MINK1: variants seen among roughly 807,000 people sequenced by gnomAD.
MINK1 encodes the protein misshapen-like kinase 1.
In MINK1, 46 loss-of-function variants were observed where a neutral mutation model predicts 178.4. The ratio of observed to expected loss-of-function variants is 0.26; its 90% CI spans 0.20 to 0.33. The LOEUF (loss-of-function observed/expected upper bound fraction) is 0.33, where lower values mean the gene tolerates loss of function less well. Ranked by LOEUF, MINK1 falls within the 10% of genes least tolerant of loss-of-function variation. MINK1 has a pLI of 1.00. For missense variants in MINK1, 1,366 were observed against 1,814.9 expected (o/e 0.75, Z 4.49); for synonymous variants, 797 against 709.7 (o/e 1.12, Z -1.96).
chr17:4,873,260 T>C (rs1223060067), intron 1 of MINK1, among the ~76,000 whole-genome samples: 4 of 152,250 alleles, frequency 2.6e-5, no homozygotes, highest in African/African-American at 9.6e-5. Flanking sequence ...TACAGATCCT[T>C]GTTTCTAACT....
chr17:4,870,134 G>A (rs148651427), intron 1 of MINK1, among the ~76,000 whole-genome samples: 9,415 of 150,488 alleles, frequency 0.063, 865 homozygotes, highest in African/African-American at 0.2. Flanking sequence ...GGATGGTCTC[G>A]ATCTCCTGAC....
Position 4,896,965 on chromosome 17 carries a change from C to T in MINK1, c.3915+152C>T, listed in dbSNP as rs1969581445. On this transcript the variant is annotated intron_variant, in intron 31 of 31. Transcript: ENST00000355280. This position sits in a 1 kb window ranked among gnomAD's most constrained non-coding sequence, Gnocchi z 4.6. Reference sequence around the variant, plus strand: ...AGGGCAGTCAGCCACTACCACTGCCCTGCGCTCCCTTCAGATTCCGAGGAC... The same window carrying T: ...AGGGCAGTCAGCCACTACCACTGCCTTGCGCTCCCTTCAGATTCCGAGGAC... The T allele has an allele frequency of 8.9e-7, 1 of 1,117,828 alleles. No individual in the cohort carries two copies. The highest frequency in any genetic ancestry group is 1.6e-5 in the African/African-American group (1 of 63,048). The allele number at this position is 1,117,828 out of a possible 1,614,324, so 69.2% of individuals were successfully genotyped here. A position where few individuals can be genotyped will look rare whatever the true frequency, so the allele number is the denominator to read the frequency against.
At chr17:4,892,844 G>A in intron 19 of MINK1, 76 bp downstream of exon 19, 1 of 1,442,186 alleles carries the variant, frequency 6.9e-7, no homozygotes, top group Non-Finnish European at 9.5e-7. Flanking sequence ...TGGTGGCTTT[G>A]GACTGGGGCA....
Position 4,892,972 on chromosome 17 carries a change from CG to C in MINK1, c.2312-6del, listed in dbSNP as rs746606454. 2,214 of 1,559,074 alleles carry C rather than the reference CG, an allele frequency of 1.4e-3. 26 individuals carry two copies. The highest frequency in any genetic ancestry group is 4.8e-4 in the South Asian group (41 of 84,582). On this transcript the variant is annotated splice_region_variant and splice_polypyrimidine_tract_variant and intron_variant, in intron 19 of 31. Transcript: ENST00000355280. ...CATCAGTGACCTTCTTCCACCCTGC[CG>C]TCCAGTCTCCTCCAAACCGGACAGC...
At chr17:4,857,780 C>T (rs1243609644) in intron 1 of MINK1, among the ~76,000 whole-genome samples, 1 of 151,974 alleles carries the variant, frequency 6.6e-6, no homozygotes, top group African/African-American at 2.4e-5. Flanking sequence ...GATGCTCTTT[C>T]TTACCACACA....
chr17:4,881,770 C>G (rs558271728), intron 4 of MINK1, among the ~76,000 whole-genome samples: 2 of 152,256 alleles, frequency 1.3e-5, no homozygotes, highest in South Asian at 4.1e-4. Flanking sequence ...GGGGCCTCCC[C>G]CAAATTCCTC....
intron 1 of MINK1, among the ~76,000 whole-genome samples, chr17:4,867,824 A>T (rs1915267721): frequency 6.6e-6 from 1 of 152,206 alleles, no homozygotes; most frequent in Non-Finnish European, 1.5e-5. Flanking sequence ...AAAGAAAAAA[A>T]AAAGGAATTG....
intron 1 of MINK1, among the ~76,000 whole-genome samples, chr17:4,864,933 C>T (rs1914713853): frequency 6.6e-6 from 1 of 152,176 alleles, no homozygotes; most frequent in Admixed American, 6.6e-5. Flanking sequence ...GCTCCCCAGC[C>T]TCGGTCAGGT....
At position 4,896,473 on chromosome 17, in the gene MINK1, C is replaced by T. The variant is rs1284140374; in HGVS notation, c.3660C>T (p.Asn1220=). 2.5e-6 allele frequency: 4 copies of T among 1,613,872 alleles called. No individual in the cohort carries two copies. The highest frequency in any genetic ancestry group is 3.4e-6 in the Non-Finnish European group (4 of 1,179,886). ...ITPHAIIFLP[N]TDGMEMLLCY... Reference sequence around the variant, plus strand: ...CCCATGCCATCATCTTCCTCCCCAACACCGACGGCATGGAGATGCTGCTGT... The same window carrying T: ...CCCATGCCATCATCTTCCTCCCCAATACCGACGGCATGGAGATGCTGCTGT... The change falls in exon 30 of 32, where the codon AAC becomes AAT. Residue 1220 remains asparagine (N), a synonymous_variant. Coordinates refer to ENST00000355280, the MANE Select transcript of MINK1 (RefSeq NM_153827.5). The surrounding 1 kb of genome is among the most constrained non-coding windows in gnomAD (Gnocchi z 4.6).
chr17:4,877,022 A>T (rs1421657715), intron 1 of MINK1, among the ~76,000 whole-genome samples: 23 of 151,538 alleles, frequency 1.5e-4, no homozygotes, highest in Non-Finnish European at 2.9e-5. Context: ...CAGGAGACTG[A>T]GGCTGCAGTG....
At chr17:4,888,372 C>T (rs931585532) in intron 12 of MINK1, among the ~76,000 whole-genome samples, 9 of 151,948 alleles carry the variant, frequency 5.9e-5, no homozygotes, top group African/African-American at 1.2e-4. Context: ...AGGTGGCTCA[C>T]GCCTGTAATC....
Position 4,887,133 on chromosome 17 carries a change from G to A in MINK1, c.973G>A (p.Gly325Ser), listed in dbSNP as rs1353857219. Residue 325 changes from glycine (G) to serine (S), a missense_variant, in exon 11 of 32, where the codon GGC becomes AGC. Physicochemically the swap from Gly to Ser is moderately conservative, Grantham distance 56 (BLOSUM62 0). Transcript: ENST00000355280. This position sits in a 1 kb window ranked among gnomAD's most constrained non-coding sequence, Gnocchi z 7.6. ...EKEETEYEYS[G>S]SEEEDDSHGE... Reference sequence around the variant, plus strand: ...AGAGGAGACAGAATATGAGTACAGCGGCAGCGAGGAGGAAGATGACAGCCA... The same window carrying A: ...AGAGGAGACAGAATATGAGTACAGCAGCAGCGAGGAGGAAGATGACAGCCA... The A allele has an allele frequency of 5.0e-6, 8 of 1,602,990 alleles. No individual in the cohort carries two copies. Among genetic ancestry groups the A allele is most frequent in the Non-Finnish European group, 6.0e-6 (7 of 1,175,046 alleles).
At chr17:4,859,784 A>G (rs940578705) in intron 1 of MINK1, among the ~76,000 whole-genome samples, 2 of 96,384 alleles carry the variant, frequency 2.1e-5, no homozygotes, top group Non-Finnish European at 4.1e-5. Context: ...GCGAAACTCC[A>G]TCTCAAAAAA....
rs967616598 is a variant in MINK1, at chr17:4,895,556, C to T, written c.3229+63C>T. 14 of 1,550,598 alleles carry T rather than the reference C, an allele frequency of 9.0e-6. No individual in the cohort carries two copies. Among genetic ancestry groups the T allele is most frequent in the Admixed American group, 1.8e-5 (1 of 54,800 alleles). ...AGCTCCTTGGCGCTGTCACCATCTT[C>T]TGCCTGGGAGGAGGGCAGGCACTGG... On this transcript the variant is annotated intron_variant, in intron 26 of 31. Transcript: ENST00000355280. The surrounding 1 kb of genome is among the most constrained non-coding windows in gnomAD (Gnocchi z 4.3).
Position 4,833,591 on chromosome 17 carries a change from AC to A in MINK1, c.11del (p.Pro4GlnfsTer70). 6.7e-7 allele frequency: 1 copy of A among 1,499,910 alleles called. No individual in the cohort carries two copies. Among genetic ancestry groups the A allele is most frequent in the Non-Finnish European group, 8.8e-7 (1 of 1,130,886 alleles). 92.9% of individuals were successfully genotyped at this position (1,499,910 alleles called of 1,614,324 possible). MG[D>X]PAPARSLDDI... ...CCGTTCCCCACGGAGGCCATGGGCG[AC>A]CCAGCCCCCGCCCGCAGCCTGGACG... On this transcript the variant is annotated frameshift_variant, in exon 1 of 32. Transcript: ENST00000355280. LOFTEE classifies it high-confidence loss of function. The surrounding 1 kb of genome is among the most constrained non-coding windows in gnomAD (Gnocchi z 4.8).
At chr17:4,860,296 G>A (rs1913959931) in intron 1 of MINK1, among the ~76,000 whole-genome samples, 2 of 152,076 alleles carry the variant, frequency 1.3e-5, no homozygotes, top group Non-Finnish European at 2.9e-5. Flanking sequence ...GGCCTCTCCT[G>A]CATTTCTAGA....
intron 1 of MINK1, chr17:4,859,095 G>A (rs1004952230): frequency 1.1e-5 from 11 of 980,504 alleles, no homozygotes; most frequent in Admixed American, 6.2e-5. Flanking sequence ...AGGACCTGCC[G>A]GGGCATATCT....
intron 1 of MINK1, among the ~76,000 whole-genome samples, chr17:4,863,251 C>T (rs991559957): frequency 1.3e-5 from 2 of 152,266 alleles, no homozygotes; most frequent in South Asian, 4.1e-4. Context: ...CCTGTAGTTC[C>T]CATGCCCTCT....
chr17:4,847,066 G>T (rs185007771), intron 1 of MINK1: 1 of 430,656 alleles, frequency 2.3e-6, no homozygotes, highest in African/African-American at 2.0e-5. Flanking sequence ...TCCTGTCCTG[G>T]CCTCATAACC....
Sources: allele counts gnomAD v4.1 joint callset (sites outside exome capture counted in the v4.1 genomes callset), GRCh38; gene constraint gnomAD v4.1.1; non-coding constraint Gnocchi (gnomAD v3.1); transcripts MANE v1.5; gene names NCBI Gene and HGNC (gene_info 2026-07-23, HGNC 2026-07-21).